The following SORCS3 variants were observed in gnomAD, a reference collection of about 807,000 sequenced individuals.
The protein encoded by SORCS3 is VPS10 domain-containing receptor SorCS3.
Under a neutral mutation model 146.3 loss-of-function variants are expected in SORCS3, and 57 were observed. The ratio of observed to expected loss-of-function variants is 0.39; its 90% confidence interval spans 0.31 to 0.49. SORCS3 has a LOEUF of 0.49. SORCS3 is among the 20% of genes least tolerant of loss of function. The pLI, the probability that SORCS3 is intolerant of heterozygous loss-of-function variation, is 0.92. For synonymous variants in SORCS3, 653 were observed against 618.5 expected (o/e 1.06, Z -0.83); for missense variants, 1,341 against 1,575.5 (o/e 0.85, Z 2.52).
At chr10:104,985,699 A>C (rs1289100084) in intron 4 of SORCS3, among the ~76,000 whole-genome samples, 1 of 152,222 alleles carries the variant, frequency 6.6e-6, no homozygotes. Flanking sequence ...CGGTCTGCAC[A>C]GTGGATATTG....
At chr10:105,096,608 T>C (rs1464616234) in intron 6 of SORCS3, among the ~76,000 whole-genome samples, 1 of 152,160 alleles carries the variant, frequency 6.6e-6, no homozygotes, top group Non-Finnish European at 1.5e-5. Flanking sequence ...GTTGTGCAAC[T>C]GCTGAGGAGT....
intron 1 of SORCS3, among the ~76,000 whole-genome samples, chr10:104,702,593 C>T (rs559562877): frequency 1.5e-4 from 23 of 152,234 alleles, no homozygotes; most frequent in Admixed American, 1.3e-3. Flanking sequence ...TGGCAGGATA[C>T]AGTTTTTAAG....
intron 4 of SORCS3, among the ~76,000 whole-genome samples, chr10:105,011,749 C>T (rs1225941819): frequency 2.0e-5 from 3 of 152,288 alleles, no homozygotes; most frequent in Non-Finnish European, 2.9e-5. Context: ...CGTCCTTTCA[C>T]GTTTCCATTC....
rs2017939201 is a variant in SORCS3, at chr10:104,826,671, C to G, written c.628-16121C>G. The stretch of plus-strand genomic sequence containing the variant: ...TCAATGTCAATGGCTGCTGACTGAT[C>G]AGGTTTGTGGTTGGTGAAGATTGGG... On this transcript the variant is annotated intron_variant, in intron 1 of 26. Transcript: ENST00000369701. Among the ~76,000 whole-genome samples the G allele has an allele frequency of 2.6e-5, 4 of 152,268 alleles. No individual in the cohort carries two copies. The South Asian group carries it at 8.3e-4, about 32-fold the overall frequency.
At chr10:105,005,081 TC>T (rs1274424830) in intron 4 of SORCS3, among the ~76,000 whole-genome samples, 1 of 152,218 alleles carries the variant, frequency 6.6e-6, no homozygotes, top group African/African-American at 2.4e-5. Flanking sequence ...TTCTCAGTTT[TC>T]ATATCTGTAA....
intron 1 of SORCS3, among the ~76,000 whole-genome samples, chr10:104,807,593 T>C (rs1487250159): frequency 6.6e-6 from 1 of 152,028 alleles, no homozygotes; most frequent in East Asian, 1.9e-4. Context: ...GCGTCTCAGG[T>C]TGTGGGGGAG....
At position 104,847,699 on chromosome 10, in the gene SORCS3, C is replaced by T. The variant is rs139710124; in HGVS notation, c.695+4840C>T. Among the ~76,000 whole-genome samples the T allele has an allele frequency of 8.1e-3, 1,229 of 152,256 alleles. 6 individuals carry two copies. The highest frequency in any genetic ancestry group is 0.013 in the Non-Finnish European group (863 of 68,020). ...CATGAGAGGAAACAGGAATCATTTG[C>T]AAAGAATGATCCCTTCAATTGGTAG... On this transcript the variant is annotated intron_variant, in intron 2 of 26. Coordinates refer to ENST00000369701, the MANE Select transcript of SORCS3 (RefSeq NM_014978.3).
intron 22 of SORCS3, among the ~76,000 whole-genome samples, chr10:105,252,461 A>T (rs898503302): frequency 2.0e-5 from 3 of 152,202 alleles, no homozygotes; most frequent in Admixed American, 6.5e-5. Flanking sequence ...GCTCTCATAG[A>T]AAAATGGAAA....
intron 2 of SORCS3, among the ~76,000 whole-genome samples, chr10:104,869,983 G>A (rs548245939): frequency 6.6e-5 from 10 of 152,174 alleles, no homozygotes; most frequent in East Asian, 1.9e-4. Context: ...ACGTAGAGTC[G>A]CTCTGAGGAG....
intron 1 of SORCS3, among the ~76,000 whole-genome samples, chr10:104,824,112 C>T (rs1350102585): frequency 6.6e-6 from 1 of 152,154 alleles, no homozygotes; most frequent in Non-Finnish European, 1.5e-5. Flanking sequence ...TGATTATAGC[C>T]AGTAAAACCC....
chr10:105,003,998 C>CTTTTTTTTTTTTTTTTTTTTTTTT lies in SORCS3; in HGVS notation c.954+26506_954+26507insTTTTTTTTTTTTTTTTTTTTTTTT, dbSNP rs35604992. Among the ~76,000 whole-genome samples, 166 of 136,000 alleles carry CTTTTTTTTTTTTTTTTTTTTTTTT rather than the reference C, an allele frequency of 1.2e-3. 7 individuals are homozygous for CTTTTTTTTTTTTTTTTTTTTTTTT. Among genetic ancestry groups the CTTTTTTTTTTTTTTTTTTTTTTTT allele is most frequent in the Non-Finnish European group, 1.9e-3 (121 of 64,316 alleles). The allele number at this position is 136,000 out of a possible 152,430, so 89.2% of individuals were successfully genotyped here. On this transcript the variant is annotated intron_variant, in intron 4 of 26. Coordinates refer to ENST00000369701, the MANE Select transcript of SORCS3 (RefSeq NM_014978.3). ...TTCCCCTCCTTTTTTTCTCTTCTCT[C>CTTTTTTTTTTTTTTTTTTTTTTTT]TCTTTTTTTTTTTTTTACCAGAGAA... is the stretch of plus-strand genomic sequence containing the variant.
chr10:105,054,368 A>C (rs1030333906), intron 5 of SORCS3, among the ~76,000 whole-genome samples: 1 of 151,720 alleles, frequency 6.6e-6, no homozygotes, highest in African/African-American at 2.4e-5. Flanking sequence ...TTTTATTTGA[A>C]ATGCAGCCTT....
Position 104,759,476 on chromosome 10 carries a change from C to G in SORCS3, c.628-83316C>G, listed in dbSNP as rs74688481. ...CATGACTGAAGAGGGACTTGTCTCT[C>G]TCTCACTGCCATTCCAACAGAACAG... On this transcript the variant is annotated intron_variant, in intron 1 of 26. Transcript: ENST00000369701. Among the ~76,000 whole-genome samples the G allele has an allele frequency of 3.3e-3, 503 of 152,324 alleles. 2 individuals are homozygous for G. The highest frequency in any genetic ancestry group is 0.012 in the African/African-American group (484 of 41,580).
At chr10:105,130,592 A>C (rs1000375471) in intron 7 of SORCS3, among the ~76,000 whole-genome samples, 1 of 152,144 alleles carries the variant, frequency 6.6e-6, no homozygotes, top group Admixed American at 6.6e-5. Context: ...CTACACACAC[A>C]CACCCAGAGC....
At chr10:104,734,031 A>G (rs528735378) in intron 1 of SORCS3, among the ~76,000 whole-genome samples, 3 of 152,260 alleles carry the variant, frequency 2.0e-5, no homozygotes, top group Admixed American at 6.5e-5. Flanking sequence ...AGCAGACAAT[A>G]ACTGGATTGA....
intron 1 of SORCS3, among the ~76,000 whole-genome samples, chr10:104,691,680 A>G (rs1051137022): frequency 6.6e-6 from 1 of 152,194 alleles, no homozygotes; most frequent in Non-Finnish European, 1.5e-5. Context: ...TGTGGCATGT[A>G]ATTGTTTATA....
chr10:104,967,535 G>C (rs2054832651), intron 3 of SORCS3, among the ~76,000 whole-genome samples: 1 of 152,006 alleles, frequency 6.6e-6, no homozygotes, highest in African/African-American at 2.4e-5. Flanking sequence ...TCCCCTTTAT[G>C]CCCACCTCTT....
At chr10:105,232,201 C>T (rs1022097253) in intron 20 of SORCS3, among the ~76,000 whole-genome samples, 5 of 152,102 alleles carry the variant, frequency 3.3e-5, no homozygotes, top group African/African-American at 9.7e-5. Flanking sequence ...TTATTAATTA[C>T]TGATTCAATT....
rs556646265 is a variant in SORCS3 at position 104,947,125 on chromosome 10, C to T, written c.796-30210C>T. ...ACCGATATGTGGCCTAATGTGCTAC[C>T]CTTATCCTCACTGCTCCATCAATTT... On this transcript the variant is annotated intron_variant, in intron 3 of 26. Transcript: ENST00000369701. Among the ~76,000 whole-genome samples, 6 of 152,268 alleles carry T rather than the reference C, an allele frequency of 3.9e-5. No individual in the cohort carries two copies. The South Asian group carries it at 1.2e-3, about 32-fold the overall frequency.
Sources: gnomAD v4.1 joint callset for allele counts (sites outside exome capture counted in the v4.1 genomes callset) on GRCh38, gnomAD v4.1.1 for gene constraint, MANE v1.5 for transcripts, NCBI Gene and HGNC (gene_info 2026-07-23, HGNC 2026-07-21) for gene names.